Variants in SANBR observed in about 807,000 individuals in gnomAD.
SANBR encodes SANT and BTB domain regulator of CSR.
Under a neutral mutation model 101.8 loss-of-function variants are expected in SANBR, and 77 were observed. That is an observed-to-expected ratio of 0.76 (90% CI 0.63 to 0.91). The LOEUF is 0.91. Among genes scored for constraint, SANBR ranks in the 40% least tolerant of loss-of-function variants. The pLI, the probability that SANBR is intolerant of heterozygous loss-of-function variation, is 0.00. For synonymous variants in SANBR, 279 were observed against 274.7 expected (o/e 1.02, Z -0.15); for missense variants, 875 against 853.0 (o/e 1.03, Z -0.32).
chr2:61,106,033 G>A (rs1430997516), intron 13 of SANBR, among the ~76,000 whole-genome samples: 5 of 152,100 alleles, frequency 3.3e-5, no homozygotes, highest in Non-Finnish European at 1.5e-5. Context: ...GGTATGATGC[G>A]TCAAGTACAA....
chr2:61,071,844 A>G, intron 4 of SANBR, 52 bp downstream of exon 4: 1 of 1,091,352 alleles, frequency 9.2e-7, no homozygotes, highest in South Asian at 1.5e-5. Flanking sequence ...ATTCTGCAGA[A>G]TATTATATAT....
In SANBR at chr2:61,101,348, C is replaced by T. The variant is rs769970043; in HGVS notation, c.1366-2505C>T. ...TAATTTCTACATTAATTTGTAACCA[C>T]AAATTTACATTTGTGGTTAGTTTGT... On this transcript the variant is annotated intron_variant, in intron 12 of 21. Transcript: ENST00000402291. 9.9e-5 allele frequency among the ~76,000 whole-genome samples: 15 copies of T among 152,182 alleles called. No individual in the cohort carries two copies. In the East Asian group the frequency reaches 2.7e-3, roughly 27 times the overall value.
At chr2:61,102,620 C>T (rs145820428) in intron 12 of SANBR, among the ~76,000 whole-genome samples, 3,026 of 152,010 alleles carry the variant, frequency 0.02, 109 homozygotes, top group African/African-American at 0.069. Flanking sequence ...TCACTGCAAC[C>T]TCCGCCTCCT....
intron 13 of SANBR, 146 bp downstream of exon 13, chr2:61,104,144 C>T (rs1683424721): frequency 2.9e-6 from 2 of 690,896 alleles, no homozygotes; most frequent in South Asian, 3.9e-5. Flanking sequence ...TGTTAGCTTA[C>T]AGTAAGAGCA....
chr2:61,134,124 T>C, intron 20 of SANBR: 1 of 1,613,994 alleles, frequency 6.2e-7, no homozygotes, highest in Non-Finnish European at 8.5e-7. Context: ...TGTTATTATC[T>C]GCTTTTTTAC....
chr2:61,116,028 A>T lies in SANBR; in HGVS notation c.1794A>T (p.Val598=). The part of the protein sequence containing the change: ...KKFTRQPKKQ[V]SSPCAQRKEK... ...TCACTAGACAACCAAAAAAGCAGGTATCTTCACCCTGTGCCCAGAGGAAAG... is the reference window on the plus strand; with the variant it reads ...TCACTAGACAACCAAAAAAGCAGGTTTCTTCACCCTGTGCCCAGAGGAAAG... The change falls in exon 17 of 22, where the codon GTA becomes GTT. Residue 598 remains valine (V), a synonymous_variant. Transcript: ENST00000402291. 1 of 1,612,588 alleles carries T rather than the reference A, an allele frequency of 6.2e-7. No homozygotes were observed. Among genetic ancestry groups the T allele is most frequent in the Non-Finnish European group, 8.5e-7 (1 of 1,179,520 alleles).
chr2:61,083,145 AT>A lies in SANBR; in HGVS notation c.730-3del, dbSNP rs752062972. 5.0e-6 allele frequency: 8 copies of A among 1,592,838 alleles called. No individual in the cohort carries two copies. In the Admixed American group the frequency reaches 5.2e-5, roughly 10 times the overall value. On this transcript the variant is annotated splice_region_variant and splice_polypyrimidine_tract_variant and intron_variant, in intron 7 of 21. Transcript: ENST00000402291. ...CTATTTTCGACATTTATTTTCTATGATTTTTTAGGTTGAACAGTGTATTCAG... is the reference window on the plus strand; with the variant it reads ...CTATTTTCGACATTTATTTTCTATGATTTTTAGGTTGAACAGTGTATTCAG...
chr2:61,130,929 C>CAAAAAAAAAAAAAAA lies in SANBR; in HGVS notation c.2029-3193_2029-3179dup, dbSNP rs59171411. 1.5e-4 allele frequency among the ~76,000 whole-genome samples: 2 copies of CAAAAAAAAAAAAAAA among 13,230 alleles called. 1 individual carries two copies. The highest frequency in any genetic ancestry group is 2.8e-4 in the Non-Finnish European group (2 of 7,038). The allele number at this position is 13,230 out of a possible 152,430, so 8.7% of individuals were successfully genotyped here. On this transcript the variant is annotated intron_variant, in intron 20 of 21. Transcript: ENST00000295031. ...TGGGTGACAGAGCGAGACTCTGTCT[C>CAAAAAAAAAAAAAAA]AAAAAAAAAAAAAAAAAAAAAAAAA...
chr2:61,117,210 G>A, intron 17 of SANBR, 147 bp from the exon 18 acceptor site: 2 of 733,004 alleles, frequency 2.7e-6, no homozygotes, highest in Middle Eastern at 3.9e-4. Context: ...CATTTGGTTG[G>A]TGCAAGGTTT....
chr2:61,101,516 G>A (rs966328616), intron 12 of SANBR, among the ~76,000 whole-genome samples: 4 of 147,350 alleles, frequency 2.7e-5, no homozygotes, highest in African/African-American at 1.0e-4. Flanking sequence ...GGCGGATCAC[G>A]AGGTCAGGAG....
chr2:61,104,283 G>C lies in SANBR; in HGVS notation c.1511+285G>C, dbSNP rs565971707. On this transcript the variant is annotated intron_variant, in intron 13 of 21. Coordinates refer to ENST00000402291, the MANE Select transcript of SANBR (RefSeq NM_001129993.3). ...GGATCACGAGGTCAGGAGATCGAGAGCATCCTGGCTAACACAGTGAAACCC... is the reference window on the plus strand; with the variant it reads ...GGATCACGAGGTCAGGAGATCGAGACCATCCTGGCTAACACAGTGAAACCC... 1.3e-3 allele frequency among the ~76,000 whole-genome samples: 205 copies of C among 151,966 alleles called. No individual in the cohort carries two copies. The Middle Eastern group carries it at 0.017, about 13-fold the overall frequency.
At chr2:61,119,061 G>A (rs780621582) in intron 20 of SANBR, among the ~76,000 whole-genome samples, 1 of 152,178 alleles carries the variant, frequency 6.6e-6, no homozygotes, top group Non-Finnish European at 1.5e-5. Context: ...GCAGGCGACT[G>A]TCTGAAAGTA....
chr2:61,098,269 A>AT (rs1683128837), intron 12 of SANBR, among the ~76,000 whole-genome samples: 1 of 151,420 alleles, frequency 6.6e-6, no homozygotes, highest in South Asian at 2.1e-4. Context: ...ACACCCGGTA[A>AT]TTTTTTGTAT....
At chr2:61,070,111 G>A (rs974893339) in intron 2 of SANBR, among the ~76,000 whole-genome samples, 12 of 152,112 alleles carry the variant, frequency 7.9e-5, no homozygotes, top group Non-Finnish European at 1.3e-4. Flanking sequence ...GCTTTTTATC[G>A]TATATTTATT....
chr2:61,112,494 CT>C (rs953861752), intron 16 of SANBR, among the ~76,000 whole-genome samples: 33 of 147,588 alleles, frequency 2.2e-4, no homozygotes, highest in African/African-American at 7.2e-4. Flanking sequence ...TTTTAATTTT[CT>C]TTTTTTTTTC....
At position 61,092,678 on chromosome 2, in the gene SANBR, G is replaced by A. The variant is rs1682827312; in HGVS notation, c.1212+91G>A. 42 of 1,064,818 alleles carry A rather than the reference G, an allele frequency of 3.9e-5. No individual in the cohort carries two copies. In the South Asian group the frequency reaches 8.8e-4, roughly 22 times the overall value. 66.0% of individuals were successfully genotyped at this position (1,064,818 alleles called of 1,614,324 possible). On this transcript the variant is annotated intron_variant, in intron 11 of 21. Coordinates refer to ENST00000402291, the MANE Select transcript of SANBR (RefSeq NM_001129993.3). ...CTGTTTAATTGATATGTTTAAATGT[G>A]TTTTGACAATATCCAACATCTTTTT...
intron 7 of SANBR, 77 bp downstream of exon 7, chr2:61,081,587 C>A (rs1682130283): frequency 7.4e-7 from 1 of 1,351,774 alleles, no homozygotes; most frequent in Admixed American, 2.8e-5. Flanking sequence ...CTAGAAAATT[C>A]TGAGACTTTA....
Position 61,069,494 on chromosome 2 carries a change from GTACTC to G in SANBR, c.-10+511_-10+515del, listed in dbSNP as rs199521595. ...TGGTCTGTCAGCGAATCTCTGCTTT[GTACTC>G]TCGTCCTAAAATAGATCATTTTTGT... On this transcript the variant is annotated intron_variant, in intron 2 of 21. Transcript: ENST00000402291. Among the ~76,000 whole-genome samples the G allele has an allele frequency of 2.7e-3, 405 of 152,266 alleles. 2 individuals are homozygous for G. Among genetic ancestry groups the G allele is most frequent in the African/African-American group, 8.2e-3 (342 of 41,552 alleles).
At chr2:61,126,915 C>T (rs1350324781), downstream of SANBR, among the ~76,000 whole-genome samples, 2 of 152,136 alleles carry the variant, frequency 1.3e-5, no homozygotes. Flanking sequence ...TTGACATTAG[C>T]CATTCCCGCT....
Sources: gnomAD v4.1 joint callset for allele counts (sites outside exome capture counted in the v4.1 genomes callset) on GRCh38, gnomAD v4.1.1 for gene constraint, MANE v1.5 for transcripts, NCBI Gene and HGNC (gene_info 2026-07-23, HGNC 2026-07-21) for gene names.